FAM107B: variants seen among roughly 807,000 people sequenced by gnomAD.
FAM107B encodes the protein protein FAM107B.
FAM107B carries 21 observed loss-of-function variants against 31.5 expected under a neutral mutation model. The observed-to-expected ratio is 0.67, with a 90% CI of 0.47 to 0.96. FAM107B has a LOEUF of 0.96. Among genes scored for constraint, FAM107B ranks in the 40% least tolerant of loss-of-function variants. The pLI is 0.00. For synonymous variants in FAM107B, 157 were observed against 141.5 expected (o/e 1.11, Z -0.78); for missense variants, 452 against 377.1 (o/e 1.20, Z -1.64).
intron 2 of FAM107B, among the ~76,000 whole-genome samples, chr10:14,590,828 A>G (rs1851991570): frequency 6.6e-6 from 1 of 151,566 alleles, no homozygotes; most frequent in Admixed American, 6.6e-5. Flanking sequence ...CTAAAAAAAA[A>G]AAAACACAAA....
chr10:14,527,246 G>C (rs539432966), intron 3 of FAM107B, among the ~76,000 whole-genome samples: 6 of 151,094 alleles, frequency 4.0e-5, no homozygotes, highest in Non-Finnish European at 8.8e-5. Context: ...CCTGTGGAAA[G>C]TGAGAACCTG....
At chr10:14,648,095 A>T (rs36025028) in intron 2 of FAM107B, among the ~76,000 whole-genome samples, 1 of 152,022 alleles carries the variant, frequency 6.6e-6, no homozygotes. Flanking sequence ...TACTAATTCA[A>T]TTAAAATGAT....
At chr10:14,576,747 G>A (rs1255791790) in intron 2 of FAM107B, among the ~76,000 whole-genome samples, 1 of 152,066 alleles carries the variant, frequency 6.6e-6, no homozygotes, top group African/African-American at 2.4e-5. Flanking sequence ...CAGGAATAAG[G>A]CTACTTACTA....
intron 1 of FAM107B, among the ~76,000 whole-genome samples, chr10:14,714,695 T>G (rs570375238): frequency 6.6e-6 from 1 of 152,108 alleles, no homozygotes; most frequent in Non-Finnish European, 1.5e-5. Flanking sequence ...CCTGAAAAAC[T>G]GAGCACTCTT....
intron 2 of FAM107B, among the ~76,000 whole-genome samples, chr10:14,650,684 A>G (rs1341245616): frequency 6.6e-6 from 1 of 152,230 alleles, no homozygotes; most frequent in African/African-American, 2.4e-5. Context: ...AAAACTATGC[A>G]TCAGTTGTTG....
Position 14,774,253 on chromosome 10 carries a change from C to G in FAM107B, c.411G>C (p.Lys137Asn). The change falls in exon 1 of 5, where the codon AAG (lysine) becomes AAC (asparagine). Residue 137 changes from lysine to asparagine, a missense_variant and splice_region_variant. By Grantham distance (94) the Lys-to-Asn change is moderately conservative (BLOSUM62 0). Coordinates refer to ENST00000181796, the MANE Select transcript of FAM107B (RefSeq NM_031453.4). The stretch of plus-strand genomic sequence containing the variant: ...AATCGCAGAGCGAACACTCACTCAC[C>G]TTGGGCGTGTCAATAATTGATGGTC... ...IPRPSIIDTP[K>N]EEEFREEPKC... 2 of 1,606,488 alleles carry G rather than the reference C, an allele frequency of 1.2e-6. No homozygotes were observed. Among genetic ancestry groups the G allele is most frequent in the Non-Finnish European group, 1.7e-6 (2 of 1,174,968 alleles).
At chr10:14,748,302 G>A (rs1042651339) in intron 1 of FAM107B, among the ~76,000 whole-genome samples, 1 of 152,208 alleles carries the variant, frequency 6.6e-6, no homozygotes, top group Admixed American at 6.5e-5. Flanking sequence ...TGGGGGTCAA[G>A]GTCAGCTCTA....
At chr10:14,619,229 A>T (rs1189855928) in intron 2 of FAM107B, among the ~76,000 whole-genome samples, 1 of 152,172 alleles carries the variant, frequency 6.6e-6, no homozygotes, top group African/African-American at 2.4e-5. Flanking sequence ...CAACCCTAGG[A>T]AAATAAGGCA....
intron 2 of FAM107B, among the ~76,000 whole-genome samples, chr10:14,655,923 G>A (rs1854040625): frequency 6.6e-6 from 1 of 152,114 alleles, no homozygotes; most frequent in Non-Finnish European, 1.5e-5. Context: ...GGGGTGAGAG[G>A]AAGCCTTTAC....
chr10:14,611,922 A>G (rs1333833923), intron 2 of FAM107B, among the ~76,000 whole-genome samples: 1 of 152,132 alleles, frequency 6.6e-6, no homozygotes, highest in Non-Finnish European at 1.5e-5. Context: ...ATATCCTCAT[A>G]CATATAAAAC....
intron 2 of FAM107B, among the ~76,000 whole-genome samples, chr10:14,558,710 A>G (rs1260786267): frequency 6.6e-6 from 1 of 152,122 alleles, no homozygotes; most frequent in Non-Finnish European, 1.5e-5. Flanking sequence ...GGAGTTGAGC[A>G]GGGGCCTTGC....
chr10:14,600,679 A>G (rs2131370023), intron 2 of FAM107B, among the ~76,000 whole-genome samples: 1 of 152,298 alleles, frequency 6.6e-6, no homozygotes, highest in East Asian at 1.9e-4. Context: ...TCACTCTGTC[A>G]CCCAGACTGG....
intron 2 of FAM107B, among the ~76,000 whole-genome samples, chr10:14,585,724 C>T (rs1353469858): frequency 1.3e-5 from 2 of 152,222 alleles, no homozygotes; most frequent in Non-Finnish European, 2.9e-5. Context: ...GCCCATGAGA[C>T]AGGTAAACCA....
At chr10:14,767,873 T>C (rs1489762743) in intron 1 of FAM107B, among the ~76,000 whole-genome samples, 1 of 151,836 alleles carries the variant, frequency 6.6e-6, no homozygotes, top group Non-Finnish European at 1.5e-5. Flanking sequence ...AAAGAAGAAG[T>C]AAAATTATCT....
chr10:14,654,963 A>G (rs1017733020), intron 2 of FAM107B, among the ~76,000 whole-genome samples: 9 of 152,200 alleles, frequency 5.9e-5, no homozygotes, highest in Non-Finnish European at 1.3e-4. Flanking sequence ...CTGCATTGCT[A>G]TAAAGAAATA....
At chr10:14,744,882 G>C (rs561733038) in intron 1 of FAM107B, among the ~76,000 whole-genome samples, 3 of 152,274 alleles carry the variant, frequency 2.0e-5, no homozygotes, top group East Asian at 1.9e-4. Context: ...CTGTAAAACT[G>C]TCTGGTCCTG....
At chr10:14,643,410 ATT>A (rs202127820) in intron 2 of FAM107B, among the ~76,000 whole-genome samples, 101 of 140,202 alleles carry the variant, frequency 7.2e-4, no homozygotes, top group African/African-American at 2.1e-3. Context: ...GGTCAGTCTA[ATT>A]TTTTTTTTTT....
At chr10:14,713,264 T>C (rs1855703719) in intron 1 of FAM107B, among the ~76,000 whole-genome samples, 1 of 152,214 alleles carries the variant, frequency 6.6e-6, no homozygotes, top group African/African-American at 2.4e-5. Context: ...CAGTAAAGCT[T>C]TATCGAGAAC....
intron 2 of FAM107B, chr10:14,554,172 T>C (rs200772717): frequency 6.1e-6 from 6 of 985,348 alleles, no homozygotes; most frequent in Non-Finnish European, 7.2e-6. Context: ...TTTTTCTTTA[T>C]CTCCTTTTCC....
Sources: allele counts gnomAD v4.1 joint callset (sites outside exome capture counted in the v4.1 genomes callset), GRCh38; gene constraint gnomAD v4.1.1; transcripts MANE v1.5; gene names NCBI Gene and HGNC (gene_info 2026-07-23, HGNC 2026-07-21).